The following CNTN4 variants were observed in gnomAD, a reference collection of about 807,000 sequenced individuals.
CNTN4 encodes the protein contactin-4.
A neutral mutation model predicts 122.5 loss-of-function variants in CNTN4; 77 were observed. That is an observed-to-expected ratio of 0.63 (90% CI 0.52 to 0.76). The LOEUF (loss-of-function observed/expected upper bound fraction) is 0.76, where lower values mean the gene tolerates loss of function less well. CNTN4 is among the 30% of genes least tolerant of loss of function. CNTN4 has a pLI of 0.00. For synonymous variants in CNTN4, 512 were observed against 447.0 expected (o/e 1.15, Z -1.83); for missense variants, 1,256 against 1,259.1 (o/e 1.00, Z 0.04).
At position 2,465,544 on chromosome 3, in the gene CNTN4, G is replaced by A. The variant is rs370777017; in HGVS notation, c.-88-105872G>A. 4.6e-5 allele frequency among the ~76,000 whole-genome samples: 7 copies of A among 152,204 alleles called. No homozygotes were observed. The South Asian group carries it at 1.5e-3, about 32-fold the overall frequency. On this transcript the variant is annotated intron_variant, in intron 3 of 24. Transcript: ENST00000418658. ...TATAAAAAATTAACCGGGTGTGGCA[G>A]CGTGCGCCTGTAGTCCCAGCTACTC...
intron 3 of CNTN4, among the ~76,000 whole-genome samples, chr3:2,401,638 A>G (rs144768875): frequency 1.0e-3 from 159 of 152,266 alleles, no homozygotes; most frequent in African/African-American, 3.6e-3. Context: ...TAGAGAGGCA[A>G]ACAAGAAAGA....
At chr3:2,168,134 C>T (rs2727932) in intron 2 of CNTN4, among the ~76,000 whole-genome samples, 108,203 of 151,916 alleles carry the variant, frequency 0.71, 38,751 homozygotes, top group Admixed American at 0.75. Flanking sequence ...TAAGACCTTG[C>T]CTCCATGGTT....
At chr3:2,255,622 G>A (rs1010769354) in intron 2 of CNTN4, among the ~76,000 whole-genome samples, 1 of 152,130 alleles carries the variant, frequency 6.6e-6, no homozygotes, top group African/African-American at 2.4e-5. Flanking sequence ...TTAGAACTCA[G>A]GATTAAGAAA....
intron 13 of CNTN4, among the ~76,000 whole-genome samples, chr3:2,941,220 A>T (rs2094611808): frequency 1.3e-5 from 2 of 151,774 alleles, no homozygotes; most frequent in African/African-American, 4.8e-5. Context: ...TACTGTTCCT[A>T]TTGGATTGTT....
At chr3:2,418,664 T>C (rs1358962370) in intron 3 of CNTN4, among the ~76,000 whole-genome samples, 1 of 152,154 alleles carries the variant, frequency 6.6e-6, no homozygotes, top group African/African-American at 2.4e-5. Flanking sequence ...GTAAAGCACA[T>C]CCAGGGTTTA....
chr3:2,185,734 G>A (rs1575029740), intron 2 of CNTN4, among the ~76,000 whole-genome samples: 2 of 152,208 alleles, frequency 1.3e-5, no homozygotes, highest in East Asian at 3.9e-4. Context: ...ATGGTACAAA[G>A]TATTTCTTGG....
chr3:2,847,566 C>T (rs960561025), intron 7 of CNTN4, among the ~76,000 whole-genome samples: 3 of 152,182 alleles, frequency 2.0e-5, no homozygotes, highest in Non-Finnish European at 4.4e-5. Context: ...ACCTTAGCCC[C>T]GGCCCTGCTG....
intron 2 of CNTN4, among the ~76,000 whole-genome samples, chr3:2,164,702 C>G (rs2036120687): frequency 6.6e-6 from 1 of 152,102 alleles, no homozygotes; most frequent in African/African-American, 2.4e-5. Flanking sequence ...ACAGAAAATG[C>G]TAGTGGACAA....
At chr3:2,208,857 G>T (rs552502522) in intron 2 of CNTN4, among the ~76,000 whole-genome samples, 1 of 152,204 alleles carries the variant, frequency 6.6e-6, no homozygotes, top group East Asian at 1.9e-4. Flanking sequence ...GCATTTTTTA[G>T]CAATAAAGTA....
chr3:2,951,162 C>T (rs1021571664), intron 13 of CNTN4, among the ~76,000 whole-genome samples: 5 of 152,094 alleles, frequency 3.3e-5, no homozygotes, highest in Admixed American at 2.6e-4. Context: ...TGAATCTTCC[C>T]TCTACTTTCA....
chr3:2,355,488 G>C (rs753602534), intron 3 of CNTN4, among the ~76,000 whole-genome samples: 1 of 152,150 alleles, frequency 6.6e-6, no homozygotes, highest in African/African-American at 2.4e-5. Flanking sequence ...TTACAGCTAC[G>C]AAGTACAGCT....
intron 3 of CNTN4, among the ~76,000 whole-genome samples, chr3:2,433,895 T>G (rs1041271094): frequency 6.6e-6 from 1 of 152,088 alleles, no homozygotes; most frequent in African/African-American, 2.4e-5. Flanking sequence ...CCAATTGAAA[T>G]AAGCCAGGCG....
intron 2 of CNTN4, among the ~76,000 whole-genome samples, chr3:2,186,935 A>G (rs1225759150): frequency 6.6e-6 from 1 of 151,876 alleles, no homozygotes; most frequent in Non-Finnish European, 1.5e-5. Context: ...GTTTAATTAG[A>G]TCTCATTTGT....
intron 2 of CNTN4, among the ~76,000 whole-genome samples, chr3:2,137,726 A>G (rs554449008): frequency 1.3e-5 from 2 of 152,196 alleles, no homozygotes; most frequent in Admixed American, 6.5e-5. Context: ...GAATTTTTCG[A>G]AAGATTTTGA....
chr3:2,324,457 C>G (rs537070272), intron 2 of CNTN4, among the ~76,000 whole-genome samples: 2 of 152,096 alleles, frequency 1.3e-5, no homozygotes, highest in African/African-American at 4.8e-5. Context: ...AAGCATAAGA[C>G]GGTAACTTAA....
rs924907257 is a variant in CNTN4, at chr3:3,032,244, C to T, written c.1783+1269C>T. 2.0e-5 allele frequency among the ~76,000 whole-genome samples: 3 copies of T among 152,172 alleles called. No homozygotes were observed. The South Asian group carries it at 6.2e-4, about 32-fold the overall frequency. ...AAAATACACCAGGCTGGTCTGCCCT[C>T]CCCTTGGGAACAAAAGAATTCTGTT... On this transcript the variant is annotated intron_variant, in intron 16 of 24. Transcript: ENST00000418658.
chr3:2,665,215 G>T (rs1408178565), intron 4 of CNTN4, among the ~76,000 whole-genome samples: 2 of 152,144 alleles, frequency 1.3e-5, no homozygotes, highest in African/African-American at 4.8e-5. Flanking sequence ...CATCATTCTT[G>T]TGAGTTGCCT....
intron 9 of CNTN4, among the ~76,000 whole-genome samples, chr3:2,886,612 A>G (rs1393167314): frequency 4.0e-5 from 6 of 150,780 alleles, no homozygotes; most frequent in Non-Finnish European, 8.9e-5. Context: ...CCCAGGTTCA[A>G]GTGATTCTCC....
chr3:2,967,464 G>A lies in CNTN4; in HGVS notation c.1359-20881G>A, dbSNP rs1230772377. 2.4e-4 allele frequency among the ~76,000 whole-genome samples: 36 copies of A among 152,088 alleles called. 1 individual carries two copies. Among genetic ancestry groups the A allele is most frequent in the Admixed American group, 2.4e-3 (36 of 15,252 alleles). On this transcript the variant is annotated intron_variant, in intron 13 of 24. Transcript: ENST00000418658. ...ATTTGTTAGCCTACAAATTAGCTGG[G>A]GTCTAATCCCCAGGCAAGAATGGGG...
Sources: allele counts gnomAD v4.1 joint callset (sites outside exome capture counted in the v4.1 genomes callset), GRCh38; gene constraint gnomAD v4.1.1; transcripts MANE v1.5; gene names NCBI Gene and HGNC (gene_info 2026-07-23, HGNC 2026-07-21).